SLFN11: variants seen among roughly 807,000 people sequenced by gnomAD.
SLFN11 encodes schlafen family member 11.
SLFN11 carries 43 observed loss-of-function variants against 53.4 expected under a neutral mutation model. That is an observed-to-expected ratio of 0.80 (90% confidence interval 0.63 to 1.04). SLFN11 has a LOEUF of 1.04. SLFN11 is among the 50% of genes least tolerant of loss of function. The pLI, the probability that SLFN11 is intolerant of heterozygous loss-of-function variation, is 0.00. For synonymous variants in SLFN11, 389 were observed against 394.7 expected (o/e 0.99, Z 0.17); for missense variants, 990 against 1,079.1 (o/e 0.92, Z 1.16).
Position 35,360,380 on chromosome 17 carries a change from A to C in SLFN11, c.1070-9T>G, listed in dbSNP as rs755380377. ...AGACAACTGTAGAAGATCTTAAGAA[A>C]GAAAATTCATGTTATTCTGACGTGT... On this transcript the variant is annotated splice_polypyrimidine_tract_variant and intron_variant, in intron 4 of 6. Transcript: ENST00000685675. The C allele has an allele frequency of 6.3e-7, 1 of 1,595,166 alleles. No individual in the cohort carries two copies. Among genetic ancestry groups the C allele is most frequent in the East Asian group, 2.2e-5 (1 of 44,520 alleles).
chr17:35,367,434 T>G (rs1322621731), intron 2 of SLFN11, 169 bp downstream of exon 2: 1 of 152,162 alleles, frequency 6.6e-6, no homozygotes, highest in African/African-American at 2.4e-5. Context: ...ACTTGCACAT[T>G]TTTTGTAAGG....
In SLFN11 at chr17:35,353,567, A is replaced by T. The variant is rs201829415; in HGVS notation, c.1691T>A (p.Leu564His). 4.2e-4 allele frequency: 528 copies of T among 1,266,116 alleles called. No homozygotes were observed. The highest frequency in any genetic ancestry group is 5.5e-4 in the Non-Finnish European group (514 of 939,200). The allele number at this position is 1,266,116 out of a possible 1,614,324, so 78.4% of individuals were successfully genotyped here. A position where few individuals can be genotyped will look rare whatever the true frequency, so the allele number is the denominator to read the frequency against. The change falls in exon 6 of 7, where the codon CTC becomes CAC. Residue 564 changes from leucine (L) to histidine (H), a missense_variant. Physicochemically the swap from Leu to His is moderately conservative, Grantham distance 99. Around this residue, in one of 3 missense-constraint regions of SLFN11, gnomAD observed 156 missense variants for 241.9 expected, o/e 0.64. Coordinates refer to ENST00000685675, the MANE Select transcript of SLFN11 (RefSeq NM_001376007.1). ...CTCACAGCCGAGCTGGTCACTCAAG[A>T]GAGACCTGAAGCCGAGTAAGACAAT... ...LVIVLLGFRS[L>H]LSDQLGCEVL... is the part of the protein sequence containing the mutation.
chr17:35,355,776 A>T (rs9915377), intron 5 of SLFN11, among the ~76,000 whole-genome samples: 20,869 of 152,038 alleles, frequency 0.14, 2,860 homozygotes, highest in African/African-American at 0.35. Flanking sequence ...ACCACTCCCC[A>T]TGTGATTTGA....
intron 4 of SLFN11, among the ~76,000 whole-genome samples, chr17:35,360,910 T>C (rs1908125873): frequency 6.6e-6 from 1 of 152,258 alleles, no homozygotes; most frequent in Non-Finnish European, 1.5e-5. Context: ...TTCAAGGCTG[T>C]AGTGGACTAT....
chr17:35,367,713 A>G lies in SLFN11; in HGVS notation c.-234-13T>C, dbSNP rs1909133022. On this transcript the variant is annotated splice_polypyrimidine_tract_variant and intron_variant, in intron 1 of 6. Coordinates refer to ENST00000685675, the MANE Select transcript of SLFN11 (RefSeq NM_001376007.1). ...TGTATACAGAAACCTATGTAGACAG[A>G]GGTAACAGAGTTCAAGGATTAAGAC... 6.6e-6 allele frequency: 1 copy of G among 152,218 alleles called. No homozygotes were observed. Among genetic ancestry groups the G allele is most frequent in the African/African-American group, 2.4e-5 (1 of 41,458 alleles). The allele number at this position is 152,218 out of a possible 1,614,324, so 9.4% of individuals were successfully genotyped here. A position where few individuals can be genotyped will look rare whatever the true frequency, so the allele number is the denominator to read the frequency against.
In SLFN11 at chr17:35,353,421, T is replaced by C. The variant is rs1907015853; in HGVS notation, c.1837A>G (p.Met613Val). 1.2e-6 allele frequency: 2 copies of C among 1,608,700 alleles called. No individual in the cohort carries two copies. Among genetic ancestry groups the C allele is most frequent in the Non-Finnish European group, 1.7e-6 (2 of 1,177,422 alleles). The change falls in exon 6 of 7, where the codon ATG (methionine) becomes GTG (valine). Residue 613 changes from methionine to valine, a missense_variant. By Grantham distance (21) the Met-to-Val change is conservative (BLOSUM62 1). This residue lies in a region of SLFN11 where 156 missense variants were observed against 241.9 expected (regional missense o/e 0.64). Coordinates refer to ENST00000685675, the MANE Select transcript of SLFN11 (RefSeq NM_001376007.1). Reference sequence around the variant, plus strand: ...TGAAACACATTCCTGATCTTCTCCATGATCTTCATGGCCATGATGGTCTTC... The same window carrying C: ...TGAAACACATTCCTGATCTTCTCCACGATCTTCATGGCCATGATGGTCTTC... ...SGKTIMAMKI[M>V]EKIRNVFHCE...
chr17:35,358,808 C>T (rs1052164355), intron 5 of SLFN11, among the ~76,000 whole-genome samples: 1 of 151,916 alleles, frequency 6.6e-6, no homozygotes, highest in African/African-American at 2.4e-5. Context: ...TTTTCCTTTT[C>T]CTTTTTTTCT....
In SLFN11 at chr17:35,353,020, T is replaced by C. The variant is rs1468373802; in HGVS notation, c.2042A>G (p.Tyr681Cys). ...QNFRTEDGDW[Y>C]GKAKSITRRA... Reference sequence around the variant, plus strand: ...CCGAGTGATGCTTTTTGCCTTCCCATACCAGTCCCCATCTTCAGTACGGAA... The same window carrying C: ...CCGAGTGATGCTTTTTGCCTTCCCACACCAGTCCCCATCTTCAGTACGGAA... The change falls in exon 7 of 7, where the codon TAT (tyrosine) becomes TGT (cysteine). Residue 681 changes from tyrosine to cysteine, a missense_variant. Transcript: ENST00000685675. 1.2e-6 allele frequency: 2 copies of C among 1,614,066 alleles called. No individual in the cohort carries two copies. The highest frequency in any genetic ancestry group is 1.3e-5 in the African/African-American group (1 of 74,924).
At chr17:35,363,865 T>C in intron 3 of SLFN11, 39 bp from the exon 4 acceptor site, 1 of 1,447,372 alleles carries the variant, frequency 6.9e-7, no homozygotes, top group Non-Finnish European at 9.3e-7. Context: ...ATGCAATTCA[T>C]TTATTAAAAG....
intron 5 of SLFN11, 170 bp downstream of exon 5, chr17:35,360,073 T>C (rs1908007031): frequency 6.4e-6 from 4 of 623,840 alleles, no homozygotes; most frequent in Non-Finnish European, 1.1e-5. Flanking sequence ...GTGGGGTCAG[T>C]AAGGGTTCAT....
rs1249943054 is a variant in SLFN11 at position 35,352,548 on chromosome 17, G to A, written c.2514C>T (p.Leu838=). ...CACCCAACATATCACATGCATCACT[G>A]AGCTGCACCACCCTTTTCTTCCTCA... The part of the protein sequence containing the change: ...KAMRKKRVVQ[L]SDACDMLGDH... The change falls in exon 7 of 7, where the codon CTC becomes CTT. Residue 838 remains leucine, a synonymous_variant. Coordinates refer to ENST00000685675, the MANE Select transcript of SLFN11 (RefSeq NM_001376007.1). The A allele has an allele frequency of 6.2e-7, 1 of 1,614,122 alleles. No individual in the cohort carries two copies. Among genetic ancestry groups the A allele is most frequent in the Non-Finnish European group, 8.5e-7 (1 of 1,180,028 alleles).
chr17:35,359,566 G>C (rs1049821542), intron 5 of SLFN11, among the ~76,000 whole-genome samples: 1 of 152,130 alleles, frequency 6.6e-6, no homozygotes, highest in Admixed American at 6.5e-5. Flanking sequence ...CCTATCATGG[G>C]AACAAGGGAT....
In SLFN11 at chr17:35,363,120, T is replaced by A; in HGVS notation, c.688A>T (p.Thr230Ser). 6.2e-7 allele frequency: 1 copy of A among 1,613,800 alleles called. No individual in the cohort carries two copies. Among genetic ancestry groups the A allele is most frequent in the South Asian group, 1.1e-5 (1 of 91,046 alleles). ...TKHFQEYVKRTIPEYVPAFAN... is the reference protein window; with the variant it reads ...TKHFQEYVKRSIPEYVPAFAN... Reference sequence around the variant, plus strand: ...AATGCAGGGACGTATTCTGGAATTGTCCTTTTTACATATTCTTGGAAGTGT... The same window carrying A: ...AATGCAGGGACGTATTCTGGAATTGACCTTTTTACATATTCTTGGAAGTGT... The change falls in exon 4 of 7, where the codon ACA becomes TCA. Residue 230 changes from threonine to serine, a missense_variant. Thr to Ser is a moderately conservative substitution (Grantham distance 58). Around this residue, in one of 3 missense-constraint regions of SLFN11, gnomAD observed 521 missense variants for 516.2 expected, o/e 1.01. Coordinates refer to ENST00000685675, the MANE Select transcript of SLFN11 (RefSeq NM_001376007.1).
At chr17:35,372,666 G>T (rs1909835215) in intron 1 of SLFN11, among the ~76,000 whole-genome samples, 1 of 152,008 alleles carries the variant, frequency 6.6e-6, no homozygotes. Context: ...AAGGATAAAT[G>T]CTTGAGGCGA....
At position 35,357,169 on chromosome 17, in the gene SLFN11, TGTG is replaced by T. The variant is rs774915904; in HGVS notation, c.1198+3071_1198+3073del. 7.0e-3 allele frequency among the ~76,000 whole-genome samples: 1,057 copies of T among 151,670 alleles called. 6 individuals are homozygous for T. The highest frequency in any genetic ancestry group is 0.01 in the Non-Finnish European group (699 of 67,814). On this transcript the variant is annotated intron_variant, in intron 5 of 6. Transcript: ENST00000685675. ...GTGTGTGTGTGTGTGTGTGTGTGTG[TGTG>T]TGTGTCTGTGTCCTTATCAACTTCT...
At chr17:35,369,903 C>T (rs543276385) in intron 1 of SLFN11, among the ~76,000 whole-genome samples, 3 of 152,040 alleles carry the variant, frequency 2.0e-5, no homozygotes, top group African/African-American at 2.4e-5. Flanking sequence ...GTCTGGGACC[C>T]GATGGCTTCA....
chr17:35,358,199 A>G (rs1907768780), intron 5 of SLFN11, among the ~76,000 whole-genome samples: 1 of 151,006 alleles, frequency 6.6e-6, no homozygotes, highest in African/African-American at 2.4e-5. Flanking sequence ...TTTTGTTGCT[A>G]TTGAAAATTG....
In SLFN11 at chr17:35,357,870, T is replaced by C. The variant is rs1009177292; in HGVS notation, c.1198+2373A>G. 2.7e-5 allele frequency among the ~76,000 whole-genome samples: 4 copies of C among 145,668 alleles called. No homozygotes were observed. In the South Asian group the frequency reaches 8.4e-4, roughly 31 times the overall value. ...TATATAATTATTTATATAATATATA[T>C]TTTATATATCTATATATTATAGTTA... is the stretch of plus-strand genomic sequence containing the variant. On this transcript the variant is annotated intron_variant, in intron 5 of 6. Transcript: ENST00000685675.
chr17:35,363,724 T>C lies in SLFN11; in HGVS notation c.84A>G (p.Glu28=), dbSNP rs140277117. 7.2e-5 allele frequency: 117 copies of C among 1,613,972 alleles called. No individual in the cohort carries two copies. The African/African-American group carries it at 1.5e-3, about 20-fold the overall frequency. ...TTTTCTGCAGCTTTTTTCTGTTTTC[T>C]TCTCCAAGAGTCACTTCTCCTACAT... ...VINVGEVTLG[E]ENRKKLQKIQ... The change falls in exon 4 of 7, where the codon GAA becomes GAG. Residue 28 remains glutamate, a synonymous_variant. Coordinates refer to ENST00000685675, the MANE Select transcript of SLFN11 (RefSeq NM_001376007.1).
Sources: gnomAD v4.1 joint callset for allele counts (sites outside exome capture counted in the v4.1 genomes callset) on GRCh38, gnomAD v4.1.1 for gene constraint, gnomAD v4.1.1 regional missense constraint, MANE v1.5 for transcripts, NCBI Gene and HGNC (gene_info 2026-07-23, HGNC 2026-07-21) for gene names.